Variants in IMMP2L observed in about 807,000 individuals in gnomAD.
IMMP2L encodes mitochondrial inner membrane protease subunit 2.
A neutral mutation model predicts 19.3 loss-of-function variants in IMMP2L; 18 were observed. The observed-to-expected ratio is 0.93, with a 90% CI of 0.64 to 1.38. The LOEUF (loss-of-function observed/expected upper bound fraction) is 1.38, where lower values mean the gene tolerates loss of function less well. Among genes scored for constraint, IMMP2L ranks in the 40% most tolerant of loss-of-function variants. The pLI is 0.00. For missense variants in IMMP2L, 233 were observed against 218.2 expected (o/e 1.07, Z -0.43); for synonymous variants, 76 against 73.0 (o/e 1.04, Z -0.21).
chr7:111,203,633 A>G (rs1671661406), intron 3 of IMMP2L, among the ~76,000 whole-genome samples: 1 of 148,330 alleles, frequency 6.7e-6, no homozygotes, highest in Admixed American at 6.7e-5. Flanking sequence ...TAGATTCATG[A>G]TGCTACTTGT....
chr7:111,557,501 C>A (rs530165060), intron 1 of IMMP2L, among the ~76,000 whole-genome samples: 1 of 152,266 alleles, frequency 6.6e-6, no homozygotes, highest in East Asian at 1.9e-4. Context: ...ATGCTGTTAG[C>A]TTTACCTAGA....
At chr7:111,543,344 C>T (rs1318308946) in intron 1 of IMMP2L, among the ~76,000 whole-genome samples, 1 of 152,152 alleles carries the variant, frequency 6.6e-6, no homozygotes, top group South Asian at 2.1e-4. Context: ...AACCACTGTA[C>T]TAGTCACCTC....
At chr7:111,203,287 G>T (rs1215860734) in intron 3 of IMMP2L, among the ~76,000 whole-genome samples, 3 of 151,772 alleles carry the variant, frequency 2.0e-5, no homozygotes, top group East Asian at 3.9e-4. Context: ...TTGGCACTGG[G>T]ATACAGCAAA....
chr7:110,840,720 G>A (rs1804987680), intron 5 of IMMP2L, among the ~76,000 whole-genome samples: 1 of 151,910 alleles, frequency 6.6e-6, no homozygotes. Flanking sequence ...ATATTTGAAA[G>A]GGCAATTAAA....
At chr7:110,848,498 C>T (rs1403260352) in intron 5 of IMMP2L, among the ~76,000 whole-genome samples, 1 of 152,120 alleles carries the variant, frequency 6.6e-6, no homozygotes, top group Admixed American at 6.6e-5. Context: ...TACAGTGTGG[C>T]AGTTTCTTAC....
At chr7:110,907,347 T>G (rs1328210256) in intron 4 of IMMP2L, among the ~76,000 whole-genome samples, 2 of 152,170 alleles carry the variant, frequency 1.3e-5, no homozygotes, top group African/African-American at 4.8e-5. Flanking sequence ...GAAGTCCAGC[T>G]GTCCCCGACC....
At chr7:111,453,390 CT>C (rs1382134139) in intron 3 of IMMP2L, among the ~76,000 whole-genome samples, 6 of 152,190 alleles carry the variant, frequency 3.9e-5, no homozygotes, top group African/African-American at 1.2e-4. Context: ...TGATTTTCCA[CT>C]GATCAGCACG....
At chr7:111,529,234 A>G (rs1227620473) in intron 1 of IMMP2L, among the ~76,000 whole-genome samples, 2 of 152,162 alleles carry the variant, frequency 1.3e-5, no homozygotes, top group African/African-American at 4.8e-5. Flanking sequence ...CCTGGTACCA[A>G]TAACCTGGCT....
chr7:111,132,031 T>G (rs1801896806), intron 3 of IMMP2L, among the ~76,000 whole-genome samples: 2 of 151,916 alleles, frequency 1.3e-5, no homozygotes, highest in African/African-American at 4.8e-5. Context: ...CCTATTATCT[T>G]CTAACTCTCC....
At chr7:111,198,042 C>G (rs10214984) in intron 3 of IMMP2L, among the ~76,000 whole-genome samples, 1 of 151,870 alleles carries the variant, frequency 6.6e-6, no homozygotes, top group East Asian at 1.9e-4. Flanking sequence ...TAATCTAAAT[C>G]TAGGGACATC....
chr7:111,428,611 G>A lies in IMMP2L; in HGVS notation c.239+58627C>T, dbSNP rs150724266. On this transcript the variant is annotated intron_variant, in intron 3 of 5. Coordinates refer to ENST00000405709, the MANE Select transcript of IMMP2L (RefSeq NM_032549.4). Reference sequence around the variant, plus strand: ...AAGTGTCTATCAATTTTACTTTCACGAAAGAAATCTAACTCTGCTTTACTG... The same window carrying A: ...AAGTGTCTATCAATTTTACTTTCACAAAAGAAATCTAACTCTGCTTTACTG... Among the ~76,000 whole-genome samples, 135 of 147,768 alleles carry A rather than the reference G, an allele frequency of 9.1e-4. 1 individual carries two copies. The highest frequency in any genetic ancestry group is 3.4e-3 in the African/African-American group (128 of 37,490).
rs138272314 is a variant in IMMP2L, at chr7:111,372,922, T to A, written c.239+114316A>T. Among the ~76,000 whole-genome samples, 3 of 152,146 alleles carry A rather than the reference T, an allele frequency of 2.0e-5. No homozygotes were observed. The East Asian group carries it at 5.8e-4, about 29-fold the overall frequency. ...ACCCATAAAGTCTACACATTGAAGA[T>A]GAACAATTAGGGTAAAAGTGAACAT... On this transcript the variant is annotated intron_variant, in intron 3 of 5. Coordinates refer to ENST00000405709, the MANE Select transcript of IMMP2L (RefSeq NM_032549.4).
intron 3 of IMMP2L, among the ~76,000 whole-genome samples, chr7:110,988,850 GAC>G (rs1174792613): frequency 3.3e-5 from 5 of 152,010 alleles, no homozygotes; most frequent in African/African-American, 1.2e-4. Context: ...TTATATTTAA[GAC>G]ACATAAATAT....
intron 4 of IMMP2L, among the ~76,000 whole-genome samples, chr7:110,900,490 T>A (rs1182977026): frequency 2.0e-5 from 3 of 152,198 alleles, no homozygotes; most frequent in Non-Finnish European, 4.4e-5. Flanking sequence ...TCACTAGTTT[T>A]CATGTCTCTC....
chr7:110,689,725 T>A (rs900382051), intron 5 of IMMP2L, among the ~76,000 whole-genome samples: 8 of 152,172 alleles, frequency 5.3e-5, no homozygotes, highest in Non-Finnish European at 1.0e-4. Flanking sequence ...ATGATATATG[T>A]TTTCATCATT....
rs1024008343 is a variant in IMMP2L at position 111,125,718 on chromosome 7, G to A, written c.240-162153C>T. Among the ~76,000 whole-genome samples, 29 of 150,242 alleles carry A rather than the reference G, an allele frequency of 1.9e-4. 2 individuals carry two copies. The stretch of plus-strand genomic sequence containing the variant: ...ATTTTTTTAACAAGTAGCTTTTGGA[G>A]TAGATTAAATTATTAGGTTGAGATA... On this transcript the variant is annotated intron_variant, in intron 3 of 5. Coordinates refer to ENST00000405709, the MANE Select transcript of IMMP2L (RefSeq NM_032549.4).
chr7:111,218,840 A>G (rs1812233645), intron 3 of IMMP2L, among the ~76,000 whole-genome samples: 1 of 152,086 alleles, frequency 6.6e-6, no homozygotes. Context: ...CCCTGACTAC[A>G]GCCAGTTATT....
intron 5 of IMMP2L, among the ~76,000 whole-genome samples, chr7:110,723,389 A>G (rs972967627): frequency 6.6e-6 from 1 of 152,238 alleles, no homozygotes; most frequent in Non-Finnish European, 1.5e-5. Flanking sequence ...CAGCTGCCAC[A>G]TGGCAATCTT....
At chr7:110,802,610 C>T (rs976865646) in intron 5 of IMMP2L, among the ~76,000 whole-genome samples, 1 of 151,898 alleles carries the variant, frequency 6.6e-6, no homozygotes, top group African/African-American at 2.4e-5. Context: ...GTCTTCTATT[C>T]AGAATATGTA....
Sources: gnomAD v4.1 joint callset for allele counts (sites outside exome capture counted in the v4.1 genomes callset) on GRCh38, gnomAD v4.1.1 for gene constraint, MANE v1.5 for transcripts, NCBI Gene and HGNC (gene_info 2026-07-23, HGNC 2026-07-21) for gene names.